Variants in PARP2 observed in about 807,000 individuals in gnomAD.
PARP2 encodes poly [ADP-ribose] polymerase 2.
In PARP2, 57 loss-of-function variants were observed where a neutral mutation model predicts 77.8. The ratio of observed to expected loss-of-function variants is 0.73; its 90% CI spans 0.59 to 0.91. The LOEUF (loss-of-function observed/expected upper bound fraction) is 0.91. Among genes scored for constraint, PARP2 ranks in the 40% least tolerant of loss-of-function variants. The pLI is 0.00. For missense variants in PARP2, 651 were observed against 689.0 expected (o/e 0.94, Z 0.62); for synonymous variants, 226 against 242.6 (o/e 0.93, Z 0.64).
intron 8 of PARP2, chr14:20,354,590 C>T (rs998138245): frequency 1.3e-5 from 7 of 551,764 alleles, no homozygotes; most frequent in African/African-American, 7.6e-5. Flanking sequence ...TAGCTACTTG[C>T]GAAGCTGAAG....
intron 1 of PARP2, 82 bp downstream of exon 1, chr14:20,343,769 C>A (rs977923847): frequency 1.4e-6 from 2 of 1,425,920 alleles, no homozygotes; most frequent in Non-Finnish European, 2.0e-6. Flanking sequence ...GACCCCCTTC[C>A]CCTTCCAGCT....
intron 7 of PARP2, 54 bp downstream of exon 7, chr14:20,352,401 T>G: frequency 2.6e-6 from 3 of 1,156,294 alleles, no homozygotes; most frequent in Non-Finnish European, 3.9e-6. Flanking sequence ...TTATTTTATT[T>G]TTTAGAGGCA....
rs767186948 is a variant in PARP2, at chr14:20,356,334, C to G, written c.1129C>G (p.His377Asp). ...KVISQYLQST[H>D]APTHSDYTMT... ...GATTTCCCAGTACCTACAATCTACC[C>G]ATGCTCCCACACACAGCGACTATAC... Residue 377 changes from histidine (H) to aspartate (D), a missense_variant, in exon 12 of 16, where the codon CAT (histidine) becomes GAT (aspartate). His to Asp is a moderately conservative substitution (Grantham distance 81, BLOSUM62 -1). Transcript: ENST00000429687. 6.2e-7 allele frequency: 1 copy of G among 1,614,060 alleles called. No individual in the cohort carries two copies. Among genetic ancestry groups the G allele is most frequent in the South Asian group, 1.1e-5 (1 of 91,078 alleles).
At chr14:20,347,373 TATATATATATATATATATATATATA>T (rs1179043262) in intron 4 of PARP2, among the ~76,000 whole-genome samples, 3,811 of 23,406 alleles carry the variant, frequency 0.16, 238 homozygotes, top group South Asian at 0.24. Flanking sequence ...TATATATATA[TATATATATATATATATATATATATA>T]TTTTTTTTTT....
At chr14:20,345,369 G>A (rs1394950730) in intron 2 of PARP2, 25 bp from the exon 3 acceptor site, 1 of 1,591,206 alleles carries the variant, frequency 6.3e-7, no homozygotes, top group Non-Finnish European at 8.6e-7. Context: ...TTCCCATAAA[G>A]TAGTACCTAT....
At position 20,350,531 on chromosome 14, in the gene PARP2, T is replaced by C; in HGVS notation, c.330T>C (p.Asn110=). ...DVYDVMLNQT[N]LQFNNNKYYL... is the part of the protein sequence containing the mutation. ...TTTGTTTTCACTCAACATAGACCAATCTCCAGTTCAACAACAACAAGTACT... is the reference window on the plus strand; with the variant it reads ...TTTGTTTTCACTCAACATAGACCAACCTCCAGTTCAACAACAACAAGTACT... Residue 110 remains asparagine (N), a synonymous_variant, in exon 5 of 16, where the codon AAT becomes AAC. Coordinates refer to ENST00000429687, the MANE Select transcript of PARP2 (RefSeq NM_001042618.2). The C allele has an allele frequency of 6.3e-7, 1 of 1,587,758 alleles. No homozygotes were observed. Among genetic ancestry groups the C allele is most frequent in the Non-Finnish European group, 8.6e-7 (1 of 1,156,572 alleles).
chr14:20,353,236 G>A (rs28663629), intron 7 of PARP2, among the ~76,000 whole-genome samples: 3,210 of 148,292 alleles, frequency 0.022, 116 homozygotes, highest in African/African-American at 0.074. Flanking sequence ...TGTTTTTTTC[G>A]TTTTTTTGTT....
In PARP2 at chr14:20,355,959, C is replaced by A. The variant is rs1194207945; in HGVS notation, c.1029C>A (p.His343Gln). Residue 343 changes from histidine to glutamine, a missense_variant, in exon 11 of 16, where the codon CAC becomes CAA. Physicochemically the swap from His to Gln is conservative, Grantham distance 24. Coordinates refer to ENST00000429687, the MANE Select transcript of PARP2 (RefSeq NM_001042618.2). ...AAACAGAGCTACAAAGCCCAGAACA[C>A]CCATTGGACCAACACTATAGAAACC... ...LVKTELQSPE[H>Q]PLDQHYRNLH... 2 of 1,614,036 alleles carry A rather than the reference C, an allele frequency of 1.2e-6. No homozygotes were observed. The highest frequency in any genetic ancestry group is 1.7e-6 in the Non-Finnish European group (2 of 1,179,868).
At position 20,356,378 on chromosome 14, in the gene PARP2, G is replaced by A; in HGVS notation, c.1173G>A (p.Leu391=). The change falls in exon 12 of 16, where the codon TTG becomes TTA. Residue 391 remains leucine, a synonymous_variant. Coordinates refer to ENST00000429687, the MANE Select transcript of PARP2 (RefSeq NM_001042618.2). ...ACTATACCATGACCTTGCTGGATTTGTTTGAAGTGGAGAAGGATGGTGAGA... is the reference window on the plus strand; with the variant it reads ...ACTATACCATGACCTTGCTGGATTTATTTGAAGTGGAGAAGGATGGTGAGA... ...HSDYTMTLLD[L]FEVEKDGEKE... The A allele has an allele frequency of 6.2e-7, 1 of 1,614,132 alleles. No individual in the cohort carries two copies. The highest frequency in any genetic ancestry group is 1.1e-5 in the South Asian group (1 of 91,082).
rs150064029 is a variant in PARP2 at position 20,347,553 on chromosome 14, C to A, written c.324+640C>A. Among the ~76,000 whole-genome samples the A allele has an allele frequency of 4.3e-3, 646 of 149,282 alleles. 8 individuals are homozygous for A. Among genetic ancestry groups the A allele is most frequent in the African/African-American group, 0.015 (610 of 40,478 alleles). ...GCCTCAGCCTCCCAAGTAGCTGGGA[C>A]TACAGGTGCAGTGTCTGGCTAATTT... On this transcript the variant is annotated intron_variant, in intron 4 of 15. Transcript: ENST00000429687.
chr14:20,356,558 A>G (rs777046555), intron 12 of PARP2, 32 bp from the exon 13 acceptor site: 1 of 1,599,910 alleles, frequency 6.3e-7, no homozygotes, highest in Admixed American at 1.7e-5. Context: ...TGTGCAGAAC[A>G]ACAGAGTACA....
At chr14:20,355,542 A>G in intron 9 of PARP2, 1 of 368,848 alleles carries the variant, frequency 2.7e-6, no homozygotes, top group Non-Finnish European at 4.8e-6. Flanking sequence ...GTCAAAATCC[A>G]CATAGTTCAT....
At chr14:20,356,758 TC>T in intron 13 of PARP2, 69 bp downstream of exon 13, 1 of 1,241,134 alleles carries the variant, frequency 8.1e-7, no homozygotes, top group Middle Eastern at 1.9e-4. Flanking sequence ...GTGCTTTTTT[TC>T]CTAGATTAGG....
At chr14:20,355,234 ATCACCC>A in intron 9 of PARP2, 1 of 279,194 alleles carries the variant, frequency 3.6e-6, no homozygotes, top group Non-Finnish European at 6.6e-6. Flanking sequence ...CTTCAGGCAT[ATCACCC>A]CCTTTTCCTA....
chr14:20,344,118 A>T (rs771542555), intron 1 of PARP2: 15 of 178,842 alleles, frequency 8.4e-5, no homozygotes, highest in Non-Finnish European at 1.5e-4. Flanking sequence ...ATGTTCTTAA[A>T]TGCATAGGTG....
At chr14:20,353,100 G>C (rs901852625) in intron 7 of PARP2, 1 of 151,896 alleles carries the variant, frequency 6.6e-6, no homozygotes, top group Non-Finnish European at 1.5e-5. Flanking sequence ...GTCTGGTCTT[G>C]AACTCGTGAC....
intron 4 of PARP2, 21 bp from the exon 5 acceptor site, chr14:20,350,505 T>C: frequency 7.1e-7 from 1 of 1,403,018 alleles, no homozygotes; most frequent in Non-Finnish European, 1.0e-6. Flanking sequence ...TTTTTTTTGT[T>C]TTTGTTTTCA....
intron 9 of PARP2, 189 bp downstream of exon 9, chr14:20,355,136 C>G: frequency 1.9e-6 from 1 of 523,902 alleles, no homozygotes; most frequent in Non-Finnish European, 3.3e-6. Context: ...AATCTCCCGG[C>G]TTGACCACAG....
At chr14:20,353,939 C>G (rs569723162) in intron 7 of PARP2, 146 bp from the exon 8 acceptor site, 1 of 632,730 alleles carries the variant, frequency 1.6e-6, no homozygotes, top group South Asian at 2.2e-5. Flanking sequence ...ACCTGTACAG[C>G]CTTTTTTTCC....
Sources: gnomAD v4.1 joint callset for allele counts (sites outside exome capture counted in the v4.1 genomes callset) on GRCh38, gnomAD v4.1.1 for gene constraint, MANE v1.5 for transcripts, NCBI Gene and HGNC (gene_info 2026-07-23, HGNC 2026-07-21) for gene names.